The following CRYL1 variants were observed in gnomAD, a reference collection of about 807,000 sequenced individuals.
CRYL1 encodes the protein crystallin lambda 1, also known as lambda-crystallin homolog.
Under a neutral mutation model 36.6 loss-of-function variants are expected in CRYL1, and 29 were observed. That is an observed-to-expected ratio of 0.79 (90% CI 0.59 to 1.08). The LOEUF is 1.08. Ranked by LOEUF, CRYL1 falls within the 50% of genes least tolerant of loss-of-function variation. The pLI is 0.00. For synonymous variants in CRYL1, 152 were observed against 151.5 expected, an observed-to-expected ratio of 1.00 and a Z score of -0.02; for missense variants, 411 against 407.9, an observed-to-expected ratio of 1.01 and a Z score of -0.06.
chr13:20,459,151 G>A (rs1292745810), intron 3 of CRYL1, among the ~76,000 whole-genome samples: 2 of 151,350 alleles, frequency 1.3e-5, no homozygotes, highest in Middle Eastern at 3.2e-3. Context: ...CAGGAGAATG[G>A]CGTGATCCCG....
At chr13:20,438,867 T>C (rs1324713744) in intron 4 of CRYL1, among the ~76,000 whole-genome samples, 2 of 152,214 alleles carry the variant, frequency 1.3e-5, no homozygotes, top group Non-Finnish European at 2.9e-5. Context: ...GGCTCAAACG[T>C]CGTTCACTGA....
intron 1 of CRYL1, among the ~76,000 whole-genome samples, chr13:20,520,725 A>G (rs2034078205): frequency 6.6e-6 from 1 of 152,170 alleles, no homozygotes; most frequent in Admixed American, 6.6e-5. Context: ...CCTGACCCAA[A>G]GCAGCCAATC....
At chr13:20,515,630 C>T (rs187287385) in intron 1 of CRYL1, 8 of 152,200 alleles carry the variant, frequency 5.3e-5, no homozygotes, top group Non-Finnish European at 8.8e-5. Context: ...AAAGAAACGA[C>T]ACATGCCACA....
intron 3 of CRYL1, among the ~76,000 whole-genome samples, chr13:20,486,290 A>G (rs1202448377): frequency 1.3e-5 from 2 of 152,226 alleles, no homozygotes; most frequent in Non-Finnish European, 2.9e-5. Flanking sequence ...AGCACTGTGT[A>G]TTACTCAATT....
intron 3 of CRYL1, among the ~76,000 whole-genome samples, chr13:20,474,243 T>C (rs1233838288): frequency 1.3e-5 from 2 of 152,190 alleles, no homozygotes; most frequent in Non-Finnish European, 2.9e-5. Context: ...GCCATCATAG[T>C]GGCCTTTAAA....
chr13:20,505,048 G>T (rs575545061), intron 2 of CRYL1, among the ~76,000 whole-genome samples: 1 of 152,160 alleles, frequency 6.6e-6, no homozygotes, highest in South Asian at 2.1e-4. Context: ...TTTCTAATAT[G>T]AAACGTTAAA....
chr13:20,506,888 A>G (rs1308967477), intron 2 of CRYL1, among the ~76,000 whole-genome samples: 1 of 152,188 alleles, frequency 6.6e-6, no homozygotes, highest in Non-Finnish European at 1.5e-5. Context: ...CCCAAATGTC[A>G]TCTTGAATTG....
intron 3 of CRYL1, among the ~76,000 whole-genome samples, chr13:20,467,854 C>A (rs1159792358): frequency 6.6e-6 from 1 of 152,164 alleles, no homozygotes; most frequent in Non-Finnish European, 1.5e-5. Flanking sequence ...CGGTCCCTGG[C>A]CTGTTAGGAA....
intron 5 of CRYL1, among the ~76,000 whole-genome samples, chr13:20,420,497 C>T (rs547342240): frequency 7.0e-6 from 1 of 142,348 alleles, no homozygotes; most frequent in East Asian, 2.1e-4. Context: ...AAACATCCCG[C>T]AGTAAGGGAA....
At chr13:20,483,811 G>A (rs1163489600) in intron 3 of CRYL1, among the ~76,000 whole-genome samples, 2 of 151,750 alleles carry the variant, frequency 1.3e-5, no homozygotes, top group East Asian at 4.0e-4. Flanking sequence ...CATGTTCTGG[G>A]ATCGCAGGCA....
chr13:20,458,343 C>A (rs745975512), intron 3 of CRYL1, among the ~76,000 whole-genome samples: 1 of 152,056 alleles, frequency 6.6e-6, no homozygotes, highest in Non-Finnish European at 1.5e-5. Flanking sequence ...TCCCTTTAAG[C>A]AATAACCAAA....
rs1565993901 is a variant in CRYL1, at chr13:20,523,909, C to G, written c.41+1845G>C. Among the ~76,000 whole-genome samples, 4 of 152,178 alleles carry G rather than the reference C, an allele frequency of 2.6e-5. No individual in the cohort carries two copies. The South Asian group carries it at 8.3e-4, about 31-fold the overall frequency. ...CACAGCCAGATAACTGCACAATCAA[C>G]TAAAACTTTACTTCACATGTATTAG... On this transcript the variant is annotated intron_variant, in intron 1 of 7. Transcript: ENST00000298248.
At chr13:20,411,342 TC>T (rs1311771263) in intron 6 of CRYL1, among the ~76,000 whole-genome samples, 1 of 152,188 alleles carries the variant, frequency 6.6e-6, no homozygotes, top group Non-Finnish European at 1.5e-5. Flanking sequence ...GTTATGGGCC[TC>T]CTTCCTGTCT....
chr13:20,477,221 G>A (rs893085616), intron 3 of CRYL1, among the ~76,000 whole-genome samples: 3 of 152,046 alleles, frequency 2.0e-5, no homozygotes, highest in South Asian at 4.1e-4. Flanking sequence ...CTAGCTACTC[G>A]GGAGACTGAG....
chr13:20,419,435 G>A (rs976880609), intron 5 of CRYL1, among the ~76,000 whole-genome samples: 1 of 152,142 alleles, frequency 6.6e-6, no homozygotes, highest in Non-Finnish European at 1.5e-5. Flanking sequence ...TGGGATTACA[G>A]GCATGCGTCA....
intron 5 of CRYL1, among the ~76,000 whole-genome samples, chr13:20,429,790 A>G (rs1199987514): frequency 6.6e-6 from 1 of 152,150 alleles, no homozygotes; most frequent in Non-Finnish European, 1.5e-5. Flanking sequence ...AGGCTCCCCT[A>G]GCGCCCTGAA....
At chr13:20,471,482 G>A (rs1432301891) in intron 3 of CRYL1, among the ~76,000 whole-genome samples, 2 of 152,062 alleles carry the variant, frequency 1.3e-5, no homozygotes, top group African/African-American at 2.4e-5. Context: ...GCGGTCGCCT[G>A]TAGTCCCAGC....
rs115585609 is a variant in CRYL1 at position 20,429,440 on chromosome 13, C to T, written c.633+2662G>A. ...GGATTTGCAAGACGGGGAGGTGAGG[C>T]CCTGGAGAGGTTTGTTCACTTTTGC... is the stretch of plus-strand genomic sequence containing the variant. On this transcript the variant is annotated intron_variant, in intron 5 of 7. Transcript: ENST00000298248. Among the ~76,000 whole-genome samples the T allele has an allele frequency of 7.7e-3, 1,165 of 152,256 alleles. 18 individuals are homozygous for T. The highest frequency in any genetic ancestry group is 0.025 in the African/African-American group (1,053 of 41,536).
chr13:20,438,304 G>A (rs9552180), intron 4 of CRYL1, among the ~76,000 whole-genome samples: 27,289 of 151,968 alleles, frequency 0.18, 2,752 homozygotes, highest in East Asian at 0.35. Context: ...CCCTGCTCTC[G>A]ATCCTAGGCC....
Sources: allele counts gnomAD v4.1 joint callset (sites outside exome capture counted in the v4.1 genomes callset), GRCh38; gene constraint gnomAD v4.1.1; transcripts MANE v1.5; gene names NCBI Gene and HGNC (gene_info 2026-07-23, HGNC 2026-07-21).